TAF2: variants seen among roughly 807,000 people sequenced by gnomAD.
TAF2 encodes the protein transcription initiation factor TFIID subunit 2.
TAF2 carries 61 observed loss-of-function variants against 138.5 expected under a neutral mutation model. That is an observed-to-expected ratio of 0.44 (90% CI 0.36 to 0.54). The LOEUF (loss-of-function observed/expected upper bound fraction) is 0.54, where lower values mean the gene tolerates loss of function less well. TAF2 is among the 20% of genes least tolerant of loss of function. TAF2 has a pLI of 0.00. For missense variants in TAF2, 1,090 were observed against 1,427.9 expected, an observed-to-expected ratio of 0.76 and a Z score of 3.81; for synonymous variants, 475 against 469.9, an observed-to-expected ratio of 1.01 and a Z score of -0.14.
chr8:119,831,214 G>C (rs1159985470), intron 2 of TAF2, among the ~76,000 whole-genome samples: 1 of 152,188 alleles, frequency 6.6e-6, no homozygotes, highest in Non-Finnish European at 1.5e-5. Context: ...GGGGGAGGTA[G>C]AGGGTTTCTA....
chr8:119,816,004 T>G (rs1358639950), intron 3 of TAF2, among the ~76,000 whole-genome samples: 1 of 151,954 alleles, frequency 6.6e-6, no homozygotes, highest in Non-Finnish European at 1.5e-5. Context: ...TTCCTTATAT[T>G]CCTCTACAGT....
At chr8:119,809,998 T>TAACAAAAA (rs1824931081) in intron 3 of TAF2, among the ~76,000 whole-genome samples, 1 of 117,674 alleles carries the variant, frequency 8.5e-6, no homozygotes, top group African/African-American at 3.2e-5. Flanking sequence ...CTTCAATTTG[T>TAACAAAAA]AAAAAAAAAA....
At chr8:119,795,759 A>G in intron 8 of TAF2, 128 bp from the exon 9 acceptor site, 1 of 897,516 alleles carries the variant, frequency 1.1e-6, no homozygotes, top group Non-Finnish European at 1.8e-6. Context: ...AATTATTAAC[A>G]AATTATCAGG....
At position 119,732,175 on chromosome 8, in the gene TAF2, C is replaced by T. The variant is rs753489107; in HGVS notation, c.3349G>A (p.Ala1117Thr). The change falls in exon 26 of 26, where the codon GCA (alanine) becomes ACA (threonine). Residue 1117 changes from alanine (A) to threonine (T), a missense_variant. Ala to Thr is a moderately conservative substitution (Grantham distance 58). Around this residue, in one of 3 missense-constraint regions of TAF2, gnomAD observed 580 missense variants for 719.6 expected, o/e 0.81. Coordinates refer to ENST00000378164, the MANE Select transcript of TAF2 (RefSeq NM_003184.4). ...GGATGCATACTCATCTCCAAAGGTG[C>T]TTGTTCTTTACCTTCAAGATTAAAA... ...LARKGTGKEQ[A>T]PLEMSMHPAA... The T allele has an allele frequency of 1.5e-5, 24 of 1,614,002 alleles. No individual in the cohort carries two copies. The highest frequency in any genetic ancestry group is 3.3e-4 in the Middle Eastern group (2 of 6,084).
chr8:119,826,462 A>C (rs912741131), intron 2 of TAF2, among the ~76,000 whole-genome samples: 1 of 152,150 alleles, frequency 6.6e-6, no homozygotes, highest in East Asian at 1.9e-4. Context: ...AGTTTCAGGT[A>C]TGTCTTTATT....
chr8:119,797,909 C>G (rs1485026355), intron 6 of TAF2, 63 bp from the exon 7 acceptor site: 13 of 1,417,558 alleles, frequency 9.2e-6, no homozygotes, highest in Non-Finnish European at 9.9e-6. Context: ...TTGGAAATTT[C>G]CTAAACACCT....
chr8:119,801,435 CTTTT>C (rs112527778), intron 6 of TAF2, among the ~76,000 whole-genome samples: 3 of 139,698 alleles, frequency 2.1e-5, no homozygotes, highest in African/African-American at 5.2e-5. Context: ...TAATATCTAC[CTTTT>C]TTTTTTTTTT....
chr8:119,776,130 A>G (rs1399399273), intron 18 of TAF2, among the ~76,000 whole-genome samples: 2 of 152,186 alleles, frequency 1.3e-5, no homozygotes, highest in African/African-American at 2.4e-5. Flanking sequence ...TGTCCCTAAT[A>G]TGCCTTATTC....
intron 9 of TAF2, among the ~76,000 whole-genome samples, chr8:119,795,231 T>G (rs957091264): frequency 6.6e-6 from 1 of 152,100 alleles, no homozygotes; most frequent in African/African-American, 2.4e-5. Context: ...GTTACAAAGC[T>G]AACAAATTTA....
intron 3 of TAF2, among the ~76,000 whole-genome samples, chr8:119,808,897 T>G (rs940679996): frequency 6.6e-6 from 1 of 152,178 alleles, no homozygotes; most frequent in African/African-American, 2.4e-5. Flanking sequence ...GTTGCTTCAT[T>G]TACAGAGAAC....
chr8:119,762,691 T>C, intron 18 of TAF2, 83 bp from the exon 19 acceptor site: 1 of 1,316,824 alleles, frequency 7.6e-7, no homozygotes, highest in Non-Finnish European at 1.0e-6. Flanking sequence ...TATAATTACA[T>C]TTTAGATAAA....
chr8:119,731,732 A>C lies in TAF2; in HGVS notation c.*192T>G. 3.2e-6 allele frequency: 2 copies of C among 630,992 alleles called. No homozygotes were observed. Among genetic ancestry groups the C allele is most frequent in the Non-Finnish European group, 5.5e-6 (2 of 361,562 alleles). 39.1% of individuals were successfully genotyped at this position (630,992 alleles called of 1,614,324 possible). ...TGAAATAGTTTATCCAGAACTACAA[A>C]ACACATTTTCCTAATTAGATCCCAA... On this transcript the variant is annotated 3_prime_UTR_variant, in exon 26 of 26. Transcript: ENST00000378164.
intron 3 of TAF2, among the ~76,000 whole-genome samples, chr8:119,817,184 T>C (rs1825533353): frequency 6.6e-6 from 1 of 152,212 alleles, no homozygotes; most frequent in African/African-American, 2.4e-5. Context: ...TTTGAAAAGA[T>C]TCTCTTTTAT....
intron 23 of TAF2, among the ~76,000 whole-genome samples, chr8:119,745,342 T>C (rs1350702236): frequency 1.3e-5 from 2 of 152,144 alleles, no homozygotes; most frequent in Non-Finnish European, 2.9e-5. Context: ...TATAAATATA[T>C]CAATTTTCAC....
chr8:119,799,738 C>T (rs1396614233), intron 6 of TAF2, among the ~76,000 whole-genome samples: 8 of 152,306 alleles, frequency 5.3e-5, no homozygotes, highest in East Asian at 1.9e-4. Context: ...CTGTCTTCCA[C>T]GATGGTTGAA....
At chr8:119,775,387 A>G (rs768322590) in intron 18 of TAF2, among the ~76,000 whole-genome samples, 7 of 151,638 alleles carry the variant, frequency 4.6e-5, no homozygotes, top group Non-Finnish European at 8.8e-5. Flanking sequence ...AGGGCTTCCA[A>G]CAAGCAGGCC....
At chr8:119,767,783 G>A (rs564507081) in intron 18 of TAF2, among the ~76,000 whole-genome samples, 1 of 152,342 alleles carries the variant, frequency 6.6e-6, no homozygotes, top group South Asian at 2.1e-4. Flanking sequence ...CTTCTTCAGC[G>A]CTGGGTCCAC....
intron 16 of TAF2, 149 bp downstream of exon 16, chr8:119,783,232 C>T (rs1396426320): frequency 1.3e-6 from 1 of 757,518 alleles, no homozygotes; most frequent in Non-Finnish European, 2.0e-6. Flanking sequence ...TCTTTCAAAA[C>T]AGTCCTATTA....
At chr8:119,831,542 C>A in intron 2 of TAF2, 135 bp downstream of exon 2, 4 of 608,652 alleles carry the variant, frequency 6.6e-6, no homozygotes, top group South Asian at 2.4e-5. Context: ...TCATACAGAC[C>A]CTAATTTTAA....
Sources: allele counts gnomAD v4.1 joint callset (sites outside exome capture counted in the v4.1 genomes callset), GRCh38; gene constraint gnomAD v4.1.1; regional missense constraint gnomAD v4.1.1; transcripts MANE v1.5; gene names NCBI Gene and HGNC (gene_info 2026-07-23, HGNC 2026-07-21).